Variants in PRTG observed in about 807,000 individuals in gnomAD.
PRTG encodes the protein immunoglobulin superfamily, DCC subclass, member 5.
A neutral mutation model predicts 122.5 loss-of-function variants in PRTG; 67 were observed. That is an observed-to-expected ratio of 0.55 (90% CI 0.45 to 0.67). PRTG has a LOEUF of 0.67. Ranked by LOEUF, PRTG falls within the 30% of genes least tolerant of loss-of-function variation. The probability of loss-of-function intolerance (pLI) is 0.00; values close to 1 mark genes in which losing one functional copy is unlikely to be tolerated. For missense variants in PRTG, 1,435 were observed against 1,415.4 expected (o/e 1.01, Z -0.22); for synonymous variants, 554 against 501.1 (o/e 1.11, Z -1.41).
At chr15:55,683,337 G>C (rs111230039) in intron 3 of PRTG, among the ~76,000 whole-genome samples, 1 of 152,028 alleles carries the variant, frequency 6.6e-6, no homozygotes, top group African/African-American at 2.4e-5. Flanking sequence ...CCAACCGCCC[G>C]CAGAACACTA....
intron 2 of PRTG, among the ~76,000 whole-genome samples, chr15:55,731,210 T>A (rs1349786508): frequency 1.3e-5 from 2 of 151,000 alleles, no homozygotes; most frequent in African/African-American, 4.9e-5. Flanking sequence ...CTTCTTTAAT[T>A]CTAGTATGTT....
At chr15:55,704,671 G>A (rs897857775) in intron 2 of PRTG, among the ~76,000 whole-genome samples, 3 of 151,948 alleles carry the variant, frequency 2.0e-5, no homozygotes, top group African/African-American at 4.8e-5. Flanking sequence ...TGCCTGTTAT[G>A]CCACACAATT....
intron 11 of PRTG, among the ~76,000 whole-genome samples, chr15:55,653,999 G>T (rs1205830269): frequency 1.3e-5 from 2 of 152,130 alleles, no homozygotes; most frequent in Non-Finnish European, 2.9e-5. Context: ...GAAATATTTA[G>T]AGTTGAAGAT....
In PRTG at chr15:55,740,638, A is replaced by T. The variant is rs1356288947; in HGVS notation, c.141T>A (p.Asp47Glu). The change falls in exon 2 of 20, where the codon GAT (aspartate) becomes GAA (glutamate). Residue 47 changes from aspartate to glutamate, a missense_variant. Physicochemically the swap from Asp to Glu is conservative, Grantham distance 45. Transcript: ENST00000389286. Reference sequence around the variant, plus strand: ...CTGGGTCCTTTCTTGTGACAGTTACATCCTGTGGTTCTTTTACAAAAGACA... The same window carrying T: ...CTGGGTCCTTTCTTGTGACAGTTACTTCCTGTGGTTCTTTTACAAAAGACA... Reference protein sequence around the residue: ...SELSFVKEPQDVTVTRKDPVV... With the variant: ...SELSFVKEPQEVTVTRKDPVV... 1 of 1,614,102 alleles carries T rather than the reference A, an allele frequency of 6.2e-7. No individual in the cohort carries two copies. The highest frequency in any genetic ancestry group is 8.5e-7 in the Non-Finnish European group (1 of 1,180,012).
chr15:55,633,695 T>C (rs1663757368), intron 15 of PRTG, among the ~76,000 whole-genome samples: 2 of 152,368 alleles, frequency 1.3e-5, no homozygotes, highest in East Asian at 1.9e-4. Context: ...TTAAATGCCA[T>C]GTTATATTCC....
At chr15:55,622,140 T>G (rs1270573801) in intron 18 of PRTG, among the ~76,000 whole-genome samples, 3 of 151,684 alleles carry the variant, frequency 2.0e-5, no homozygotes, top group Non-Finnish European at 4.4e-5. Context: ...TCCTCCCCAC[T>G]CTGCTTCTCT....
chr15:55,681,900 C>G (rs894308132), intron 4 of PRTG, among the ~76,000 whole-genome samples: 3 of 152,044 alleles, frequency 2.0e-5, no homozygotes, highest in Non-Finnish European at 4.4e-5. Flanking sequence ...TCTGTAAATT[C>G]AACCAACTGC....
chr15:55,636,398 G>A lies in PRTG; in HGVS notation c.2623+772C>T, dbSNP rs1158963653. On this transcript the variant is annotated intron_variant, in intron 15 of 19. Coordinates refer to ENST00000389286, the MANE Select transcript of PRTG (RefSeq NM_173814.6). Reference sequence around the variant, plus strand: ...TTCCAGTGTTTCCTTCTCCTTGCAAGACACACTATCAGAAACCTAAGACTC... The same window carrying A: ...TTCCAGTGTTTCCTTCTCCTTGCAAAACACACTATCAGAAACCTAAGACTC... 2.6e-5 allele frequency among the ~76,000 whole-genome samples: 4 copies of A among 151,580 alleles called. No homozygotes were observed. The East Asian group carries it at 7.8e-4, about 30-fold the overall frequency.
At chr15:55,674,693 A>T (rs1567094055) in intron 9 of PRTG, among the ~76,000 whole-genome samples, 1 of 152,218 alleles carries the variant, frequency 6.6e-6, no homozygotes, top group Non-Finnish European at 1.5e-5. Flanking sequence ...TCTGGGACTA[A>T]ATGGAAAAAA....
intron 1 of PRTG, among the ~76,000 whole-genome samples, chr15:55,741,695 A>T (rs1255095412): frequency 2.0e-5 from 3 of 152,174 alleles, no homozygotes; most frequent in African/African-American, 7.2e-5. Flanking sequence ...ATCCTTGATT[A>T]CAAACCCCCA....
intron 11 of PRTG, among the ~76,000 whole-genome samples, chr15:55,657,551 C>G (rs10851589): frequency 6.6e-6 from 1 of 152,010 alleles, no homozygotes; most frequent in Non-Finnish European, 1.5e-5. Context: ...AATACATGTT[C>G]CATAGAGATT....
chr15:55,629,359 GTA>G (rs58741046), intron 15 of PRTG, among the ~76,000 whole-genome samples: 4,572 of 73,800 alleles, frequency 0.062, 164 homozygotes, highest in South Asian at 0.097. Flanking sequence ...GTTTGGCTTT[GTA>G]TATATATATA....
chr15:55,660,934 TG>T (rs1393255410), intron 11 of PRTG, among the ~76,000 whole-genome samples: 10 of 152,168 alleles, frequency 6.6e-5, no homozygotes, highest in African/African-American at 2.4e-4. Context: ...GGTCTCAATT[TG>T]ATGCGCCATT....
At position 55,619,915 on chromosome 15, in the gene PRTG, A is replaced by T; in HGVS notation, c.*97T>A. On this transcript the variant is annotated 3_prime_UTR_variant, in exon 20 of 20. Transcript: ENST00000389286. ...ATAGCATGGCAGATGGCGGCTGCAG[A>T]ACTAAGGAGGAAGTCTGCTCACTAA... 1 of 1,549,562 alleles carries T rather than the reference A, an allele frequency of 6.5e-7. No homozygotes were observed. The highest frequency in any genetic ancestry group is 8.7e-7 in the Non-Finnish European group (1 of 1,149,476).
In PRTG at chr15:55,743,028, C is replaced by G; in HGVS notation, c.-97G>C. The G allele has an allele frequency of 1.5e-6, 2 of 1,328,192 alleles. No homozygotes were observed. Among genetic ancestry groups the G allele is most frequent in the African/African-American group, 1.5e-5 (1 of 64,656 alleles). The allele number at this position is 1,328,192 out of a possible 1,614,324, so 82.3% of individuals were successfully genotyped here. A position where few individuals can be genotyped will look rare whatever the true frequency, so the allele number is the denominator to read the frequency against. On this transcript the variant is annotated 5_prime_UTR_variant, in exon 1 of 20. Coordinates refer to ENST00000389286, the MANE Select transcript of PRTG (RefSeq NM_173814.6). Reference sequence around the variant, plus strand: ...GCTCTCTGCTCTGCGGCTGGTCGCACGCAGCCTGGCTCCCCGCTCCGGCTC... The same window carrying G: ...GCTCTCTGCTCTGCGGCTGGTCGCAGGCAGCCTGGCTCCCCGCTCCGGCTC...
Position 55,620,741 on chromosome 15 carries a change from G to A in PRTG, c.3120C>T (p.Ser1040=), listed in dbSNP as rs779912053. 2 of 1,597,236 alleles carry A rather than the reference G, an allele frequency of 1.3e-6. No individual in the cohort carries two copies. The highest frequency in any genetic ancestry group is 2.7e-5 in the African/African-American group (2 of 73,694). Residue 1040 remains serine (S), a synonymous_variant, in exon 19 of 20, where the codon AGC becomes AGT. Transcript: ENST00000389286. ...AKGGTDLIIN[S]YGPIIKNNSK... ...AGTTGTTTTTAATTATAGGACCATA[G>A]CTATTAATTATCAGGTCAGTTCCTC...
At chr15:55,628,389 A>G (rs767962942) in intron 16 of PRTG, among the ~76,000 whole-genome samples, 1 of 127,966 alleles carries the variant, frequency 7.8e-6, no homozygotes. Context: ...AGAGAGGGAA[A>G]AAAAAAAAAA....
intron 2 of PRTG, among the ~76,000 whole-genome samples, chr15:55,719,561 A>G (rs1285216810): frequency 6.6e-6 from 1 of 152,238 alleles, no homozygotes; most frequent in Non-Finnish European, 1.5e-5. Context: ...ATGGCAATTT[A>G]ACCAATTACT....
At chr15:55,716,844 T>C (rs1319697980) in intron 2 of PRTG, among the ~76,000 whole-genome samples, 2 of 151,714 alleles carry the variant, frequency 1.3e-5, no homozygotes, top group South Asian at 2.1e-4. Context: ...CATGTGTATG[T>C]ACATATATAT....
Sources: allele counts gnomAD v4.1 joint callset (sites outside exome capture counted in the v4.1 genomes callset), GRCh38; gene constraint gnomAD v4.1.1; transcripts MANE v1.5; gene names NCBI Gene and HGNC (gene_info 2026-07-23, HGNC 2026-07-21).